SNX8: variants seen among roughly 807,000 people sequenced by gnomAD.
SNX8 encodes the protein sorting nexin-8.
A neutral mutation model predicts 51.6 loss-of-function variants in SNX8; 25 were observed. The observed-to-expected ratio is 0.48, with a 90% CI of 0.35 to 0.68. The LOEUF (loss-of-function observed/expected upper bound fraction) is 0.68. Ranked by LOEUF, SNX8 falls within the 30% of genes least tolerant of loss-of-function variation. The pLI is 0.00. For synonymous variants in SNX8, 324 were observed against 277.0 expected (o/e 1.17, Z -1.68); for missense variants, 695 against 624.0 (o/e 1.11, Z -1.21).
At chr7:2,324,780 AG>A (rs1275818038) in intron 1 of SNX8, among the ~76,000 whole-genome samples, 1 of 152,060 alleles carries the variant, frequency 6.6e-6, no homozygotes, top group East Asian at 1.9e-4. Context: ...TGTGTTATAA[AG>A]CTACCAATTT....
At chr7:2,303,961 A>G (rs941753852) in intron 1 of SNX8, among the ~76,000 whole-genome samples, 5 of 151,158 alleles carry the variant, frequency 3.3e-5, no homozygotes, top group African/African-American at 1.2e-4. Context: ...AAAAAATAAT[A>G]ATAATAAATA....
intron 10 of SNX8, 99 bp downstream of exon 10, chr7:2,256,775 T>C (rs1562418889): frequency 2.3e-6 from 3 of 1,290,838 alleles, no homozygotes; most frequent in Middle Eastern, 2.7e-4. Context: ...AAAGAACCTC[T>C]CTAGGGCGGC....
intron 1 of SNX8, among the ~76,000 whole-genome samples, chr7:2,304,287 G>C (rs1353083780): frequency 2.0e-5 from 3 of 152,128 alleles, no homozygotes; most frequent in African/African-American, 7.2e-5. Context: ...GCTCACGCCT[G>C]GAATCCCAGC....
intron 3 of SNX8, among the ~76,000 whole-genome samples, chr7:2,272,539 C>T (rs1482098245): frequency 1.3e-5 from 2 of 151,926 alleles, no homozygotes; most frequent in Admixed American, 1.3e-4. Context: ...ACATGCCTGG[C>T]TAATTTTTGT....
At chr7:2,264,160 C>T (rs1056322971) in intron 6 of SNX8, 138 bp downstream of exon 6, 1 of 783,272 alleles carries the variant, frequency 1.3e-6, no homozygotes, top group Non-Finnish European at 1.9e-6. Flanking sequence ...TGTGCCTGAG[C>T]CACTTTCTGC....
At chr7:2,295,341 C>T in intron 1 of SNX8, among the ~76,000 whole-genome samples, 1 of 147,132 alleles carries the variant, frequency 6.8e-6, no homozygotes, top group Admixed American at 7.0e-5. Flanking sequence ...GAGACGGAGG[C>T]TGCAGTGAGC....
intron 7 of SNX8, among the ~76,000 whole-genome samples, chr7:2,259,674 A>G (rs1795289554): frequency 6.6e-6 from 1 of 152,188 alleles, no homozygotes; most frequent in Non-Finnish European, 1.5e-5. Flanking sequence ...GTGCCAGGAG[A>G]AGAGGTGTGT....
chr7:2,285,561 A>G (rs1047027372), intron 1 of SNX8, among the ~76,000 whole-genome samples: 12 of 152,212 alleles, frequency 7.9e-5, no homozygotes, highest in Non-Finnish European at 1.2e-4. Flanking sequence ...ATGGAGAAAT[A>G]GAGATGCTTC....
chr7:2,353,124 T>C (rs1779193957), intron 1 of SNX8, among the ~76,000 whole-genome samples: 1 of 152,166 alleles, frequency 6.6e-6, no homozygotes, highest in South Asian at 2.1e-4. Flanking sequence ...TGAGATGCTA[T>C]CTACAAATAA....
intron 1 of SNX8, among the ~76,000 whole-genome samples, chr7:2,351,163 C>T (rs1440898200): frequency 6.6e-6 from 1 of 151,912 alleles, no homozygotes; most frequent in Non-Finnish European, 1.5e-5. Context: ...CAACACAGGC[C>T]ACGCTGCAGG....
At position 2,279,451 on chromosome 7, in the gene SNX8, T is replaced by C. The variant is rs534131660; in HGVS notation, c.95-1146A>G. On this transcript the variant is annotated intron_variant, in intron 1 of 10. Coordinates refer to ENST00000222990, the MANE Select transcript of SNX8 (RefSeq NM_013321.4). ...AGTCGACGCTGCGGGCACGTCCTTT[T>C]GTTCAAAAAAATCATGGTGGTCAGG... is the stretch of plus-strand genomic sequence containing the variant. 2.0e-5 allele frequency among the ~76,000 whole-genome samples: 3 copies of C among 152,236 alleles called. No homozygotes were observed. In the South Asian group the frequency reaches 6.2e-4, roughly 32 times the overall value.
At chr7:2,275,090 T>C (rs779349718) in intron 3 of SNX8, 22 bp downstream of exon 3, 4 of 1,532,262 alleles carry the variant, frequency 2.6e-6, no homozygotes, top group Non-Finnish European at 3.6e-6. Context: ...CCGCCCCCGG[T>C]GGGCAGCACG....
chr7:2,288,574 G>A (rs971487210), intron 1 of SNX8: 4 of 164,724 alleles, frequency 2.4e-5, no homozygotes, highest in African/African-American at 7.3e-5. Context: ...GGTGTTTCTC[G>A]ACTGCGCAGC....
chr7:2,255,787 C>T (rs899640740), intron 10 of SNX8, among the ~76,000 whole-genome samples: 48 of 152,354 alleles, frequency 3.2e-4, no homozygotes, highest in African/African-American at 9.9e-4. Flanking sequence ...AACGGCGGCC[C>T]CACTCGCCAA....
intron 1 of SNX8, among the ~76,000 whole-genome samples, chr7:2,319,778 G>A (rs1773044053): frequency 6.9e-6 from 1 of 144,364 alleles, no homozygotes; most frequent in African/African-American, 2.6e-5. Context: ...CTGCACCACT[G>A]CACTCCAGCC....
At chr7:2,340,856 C>CAAAA (rs71026503) in intron 1 of SNX8, among the ~76,000 whole-genome samples, 3 of 45,108 alleles carry the variant, frequency 6.7e-5, no homozygotes, top group African/African-American at 8.1e-5. Flanking sequence ...GGCTGCTTCT[C>CAAAA]AAAAAAAAAA....
At chr7:2,314,544 C>T (rs1796724209), upstream of SNX8, 1 of 999,598 alleles carries the variant, frequency 1.0e-6, no homozygotes, top group Non-Finnish European at 1.2e-6. Flanking sequence ...GCCACGCCCA[C>T]AGTCCGCCCC....
At chr7:2,352,517 C>G (rs1406267441) in intron 1 of SNX8, among the ~76,000 whole-genome samples, 2 of 152,020 alleles carry the variant, frequency 1.3e-5, no homozygotes, top group Non-Finnish European at 2.9e-5. Flanking sequence ...TTACTGTGCC[C>G]TATTGTAAGC....
At chr7:2,327,418 T>C (rs1268784103) in intron 1 of SNX8, among the ~76,000 whole-genome samples, 1 of 151,672 alleles carries the variant, frequency 6.6e-6, no homozygotes, top group African/African-American at 2.4e-5. Flanking sequence ...TTTTTTATTT[T>C]TTTTTTGGAA....
Sources: gnomAD v4.1 joint callset for allele counts (sites outside exome capture counted in the v4.1 genomes callset) on GRCh38, gnomAD v4.1.1 for gene constraint, MANE v1.5 for transcripts, NCBI Gene and HGNC (gene_info 2026-07-23, HGNC 2026-07-21) for gene names.